Variants in FCHO2 observed in about 807,000 individuals in gnomAD.
The protein encoded by FCHO2 is FCH and mu domain containing endocytic adaptor 2, also known as F-BAR domain only protein 2.
A neutral mutation model predicts 114.1 loss-of-function variants in FCHO2; 43 were observed. The ratio of observed to expected loss-of-function variants is 0.38; its 90% CI spans 0.30 to 0.49. The LOEUF is 0.49. Ranked by LOEUF, FCHO2 falls within the 20% of genes least tolerant of loss-of-function variation. The pLI is 0.97. For synonymous variants in FCHO2, 293 were observed against 315.2 expected (o/e 0.93, Z 0.75); for missense variants, 807 against 950.4 (o/e 0.85, Z 1.98).
chr5:72,956,218 G>T, intron 1 of FCHO2, 89 bp downstream of exon 1: 2 of 1,494,158 alleles, frequency 1.3e-6, no homozygotes, highest in South Asian at 2.5e-5. Flanking sequence ...GGCGGCGGCG[G>T]CGGCCCCTCC....
intron 11 of FCHO2, among the ~76,000 whole-genome samples, chr5:73,044,087 T>C (rs1018966679): frequency 1.3e-5 from 2 of 152,188 alleles, no homozygotes; most frequent in African/African-American, 4.8e-5. Context: ...TCTCTTCCTC[T>C]TACTCTGGCC....
intron 2 of FCHO2, among the ~76,000 whole-genome samples, chr5:72,979,734 T>A (rs1014270169): frequency 2.6e-5 from 4 of 152,124 alleles, no homozygotes; most frequent in Non-Finnish European, 5.9e-5. Flanking sequence ...ATTTGCATAG[T>A]GGTGTTTCTA....
intron 2 of FCHO2, among the ~76,000 whole-genome samples, chr5:72,979,922 C>T (rs1399373316): frequency 9.9e-5 from 15 of 151,764 alleles, no homozygotes; most frequent in South Asian, 2.1e-4. Flanking sequence ...TTTTTTTGAA[C>T]GCTGTTTCAT....
In FCHO2 at chr5:72,996,884, G is replaced by A. The variant is rs919476333; in HGVS notation, c.495+6020G>A. 1.3e-5 allele frequency: 19 copies of A among 1,478,776 alleles called. No individual in the cohort carries two copies. The East Asian group carries it at 3.9e-4, about 31-fold the overall frequency. The allele number at this position is 1,478,776 out of a possible 1,614,324, so 91.6% of individuals were successfully genotyped here. A position where few individuals can be genotyped will look rare whatever the true frequency, so the allele number is the denominator to read the frequency against. On this transcript the variant is annotated intron_variant, in intron 5 of 25. Coordinates refer to ENST00000430046, the MANE Select transcript of FCHO2 (RefSeq NM_138782.3). ...TGCCACGGGGGCCCCCGGGGCCGGC[G>A]GGGCCGGCAGAGCAGGCAGTGCCAG...
intron 24 of FCHO2, among the ~76,000 whole-genome samples, chr5:73,086,832 C>T (rs1025202984): frequency 1.3e-5 from 2 of 152,176 alleles, no homozygotes; most frequent in African/African-American, 4.8e-5. Context: ...ATCCTGTTCT[C>T]CTGCTAATCT....
At chr5:73,014,149 G>C (rs72764850) in intron 6 of FCHO2, among the ~76,000 whole-genome samples, 17,909 of 152,136 alleles carry the variant, frequency 0.12, 1,271 homozygotes, top group Non-Finnish European at 0.17. Context: ...AGTTTGAAAA[G>C]GTTCTCCAGG....
At chr5:72,958,778 T>C (rs535618821) in intron 1 of FCHO2, among the ~76,000 whole-genome samples, 1 of 152,358 alleles carries the variant, frequency 6.6e-6, no homozygotes, top group African/African-American at 2.4e-5. Context: ...CATTTAAAAA[T>C]TGATGCTCTT....
chr5:73,045,834 T>TTA (rs1416264305), intron 11 of FCHO2, among the ~76,000 whole-genome samples: 3 of 152,230 alleles, frequency 2.0e-5, no homozygotes, highest in Non-Finnish European at 4.4e-5. Context: ...TTTGGACCAT[T>TTA]TATATGTAAT....
intron 1 of FCHO2, among the ~76,000 whole-genome samples, chr5:72,960,607 C>T (rs62360696): frequency 0.29 from 44,521 of 151,858 alleles, 6,747 homozygotes; most frequent in East Asian, 0.44. Flanking sequence ...GTGTCTAAGC[C>T]GCTGCTTTCT....
rs555398065 is a variant in FCHO2 at position 73,081,916 on chromosome 5, A to C, written c.2114A>C (p.Asn705Thr). ...ATGGTGGCACCTAGTGTGCTTTCCA[A>C]CATACAGGTGGTGGTACCAGTGGAT... ...EAMVAPSVLS[N>T]IQVVVPVDGG... The change falls in exon 23 of 26, where the codon AAC (asparagine) becomes ACC (threonine). Residue 705 changes from asparagine (N) to threonine (T), a missense_variant. By Grantham distance (65) the Asn-to-Thr change is moderately conservative. Transcript: ENST00000430046. 53 of 1,611,436 alleles carry C rather than the reference A, an allele frequency of 3.3e-5. No homozygotes were observed. In the South Asian group the frequency reaches 5.3e-4, roughly 16 times the overall value.
chr5:72,998,192 AC>A (rs1030561699), intron 5 of FCHO2, among the ~76,000 whole-genome samples: 2 of 152,148 alleles, frequency 1.3e-5, no homozygotes, highest in African/African-American at 4.8e-5. Context: ...TAAAATAATT[AC>A]TTTAAAAAAT....
In FCHO2 at chr5:73,068,658, A is replaced by C; in HGVS notation, c.1458A>C (p.Pro486=). ...KLSGINEIPR[P]FSPPVTSNTS... ...AACTTTTTGTTTTTAAGCCCAGGCC[A>C]TTCAGCCCACCTGTAACTTCCAACA... Residue 486 remains proline (P), a synonymous_variant, in exon 19 of 26, where the codon CCA becomes CCC. Transcript: ENST00000430046. 1 of 1,610,634 alleles carries C rather than the reference A, an allele frequency of 6.2e-7. No homozygotes were observed. The highest frequency in any genetic ancestry group is 1.1e-5 in the South Asian group (1 of 90,768).
chr5:73,050,638 CAAGACT>C (rs1250403875), intron 11 of FCHO2, among the ~76,000 whole-genome samples: 1 of 152,106 alleles, frequency 6.6e-6, no homozygotes, highest in African/African-American at 2.4e-5. Flanking sequence ...TTTTTATTGG[CAAGACT>C]AAGTGGTTTG....
chr5:73,020,891 G>A (rs903217197), intron 8 of FCHO2: 8 of 1,147,114 alleles, frequency 7.0e-6, no homozygotes, highest in East Asian at 2.3e-5. Context: ...AGCTCACCAC[G>A]GGAGAGCTTA....
At chr5:72,961,553 G>A (rs1179433895) in intron 1 of FCHO2, among the ~76,000 whole-genome samples, 1 of 151,452 alleles carries the variant, frequency 6.6e-6, no homozygotes, top group Non-Finnish European at 1.5e-5. Context: ...CTTTTTCTCT[G>A]GTAATCAAGA....
At chr5:72,983,864 A>G (rs943733181) in intron 2 of FCHO2, among the ~76,000 whole-genome samples, 22 of 148,324 alleles carry the variant, frequency 1.5e-4, no homozygotes, top group Middle Eastern at 3.2e-3. Flanking sequence ...CCTGGTATGC[A>G]TATATATATA....
intron 8 of FCHO2, among the ~76,000 whole-genome samples, chr5:73,023,757 T>A (rs1180040977): frequency 1.3e-5 from 2 of 152,110 alleles, no homozygotes; most frequent in Admixed American, 1.3e-4. Context: ...CAGAAATATG[T>A]TGGAACTTAT....
chr5:73,000,927 G>A (rs1295723328), intron 5 of FCHO2, among the ~76,000 whole-genome samples: 2 of 147,798 alleles, frequency 1.4e-5, no homozygotes, highest in African/African-American at 4.9e-5. Context: ...TTTTAATAAT[G>A]ACTATAAAGA....
At chr5:73,041,807 A>G (rs1273059629) in intron 11 of FCHO2, among the ~76,000 whole-genome samples, 3 of 152,068 alleles carry the variant, frequency 2.0e-5, no homozygotes, top group East Asian at 1.9e-4. Context: ...GATTAAATGT[A>G]TTTCTTTATG....
Sources: gnomAD v4.1 joint callset for allele counts (sites outside exome capture counted in the v4.1 genomes callset) on GRCh38, gnomAD v4.1.1 for gene constraint, MANE v1.5 for transcripts, NCBI Gene and HGNC (gene_info 2026-07-23, HGNC 2026-07-21) for gene names.